Variants in SRCIN1 observed in about 807,000 individuals in gnomAD.
SRCIN1 encodes the protein P130Cas-associated protein.
In SRCIN1, 50 loss-of-function variants were observed where a neutral mutation model predicts 116.2. The observed-to-expected ratio is 0.43, with a 90% CI of 0.34 to 0.54. The LOEUF is 0.54. Ranked by LOEUF, SRCIN1 falls within the 20% of genes least tolerant of loss-of-function variation. The pLI, the probability that SRCIN1 is intolerant of heterozygous loss-of-function variation, is 0.02. For missense variants in SRCIN1, 1,446 were observed against 1,672.0 expected, an observed-to-expected ratio of 0.86 and a Z score of 2.36; for synonymous variants, 736 against 750.0, an observed-to-expected ratio of 0.98 and a Z score of 0.30.
chr17:38,551,256 GC>G lies in SRCIN1; in HGVS notation c.2860del (p.Ala954ProfsTer37), dbSNP rs1305083488. 6.2e-7 allele frequency: 1 copy of G among 1,613,068 alleles called. No homozygotes were observed. Among genetic ancestry groups the G allele is most frequent in the East Asian group, 2.2e-5 (1 of 44,888 alleles). The stretch of plus-strand genomic sequence containing the variant: ...TGGAGTGGGGGCCGGGCCTGGATGG[GC>G]CTTGCTGGCACAGTCCAGGTCAGGG... ...AIPDLDCASK[A>X]HPGPAPTPDH... is the part of the protein sequence containing the mutation. On this transcript the variant is annotated frameshift_variant, in exon 15 of 19. Coordinates refer to ENST00000617146, the MANE Select transcript of SRCIN1 (RefSeq NM_025248.3). LOFTEE classifies it high-confidence loss of function.
At chr17:38,589,063 C>G (rs1567881438) in intron 1 of SRCIN1, among the ~76,000 whole-genome samples, 1 of 152,254 alleles carries the variant, frequency 6.6e-6, no homozygotes, top group Non-Finnish European at 1.5e-5. Flanking sequence ...AACCTGTGCA[C>G]CTCGGCATGC....
chr17:38,534,423 G>T (rs2040971705), intron 18 of SRCIN1, among the ~76,000 whole-genome samples: 1 of 152,180 alleles, frequency 6.6e-6, no homozygotes, highest in Non-Finnish European at 1.5e-5. Flanking sequence ...ACTGGATTAA[G>T]GCTACACAGA....
chr17:38,555,737 C>T (rs900629202), intron 11 of SRCIN1, among the ~76,000 whole-genome samples: 8 of 152,322 alleles, frequency 5.3e-5, no homozygotes, highest in African/African-American at 1.2e-4. Context: ...ACATCAGCCA[C>T]GCTGCCCCCA....
chr17:38,595,204 T>C (rs910256125), intron 1 of SRCIN1, among the ~76,000 whole-genome samples: 51 of 152,186 alleles, frequency 3.4e-4, no homozygotes, highest in Non-Finnish European at 5.9e-5. Context: ...AGAGAAAGTG[T>C]TCAATAAGTC....
At chr17:38,594,625 C>T (rs1908621681) in intron 1 of SRCIN1, among the ~76,000 whole-genome samples, 1 of 152,164 alleles carries the variant, frequency 6.6e-6, no homozygotes, top group African/African-American at 2.4e-5. Context: ...AGTCTGGGCC[C>T]ATCACTACTT....
At chr17:38,571,536 C>A (rs1203590218) in intron 2 of SRCIN1, among the ~76,000 whole-genome samples, 1 of 152,172 alleles carries the variant, frequency 6.6e-6, no homozygotes, top group South Asian at 2.1e-4. Flanking sequence ...AGAGGTCTGG[C>A]TGTCCACCTC....
chr17:38,580,963 G>A (rs1282774272), intron 1 of SRCIN1, among the ~76,000 whole-genome samples: 1 of 152,068 alleles, frequency 6.6e-6, no homozygotes, highest in Non-Finnish European at 1.5e-5. Flanking sequence ...AGCCTCCCAA[G>A]TAGCTGGAAT....
intron 3 of SRCIN1, among the ~76,000 whole-genome samples, chr17:38,567,050 A>G (rs1222961002): frequency 6.6e-6 from 1 of 151,938 alleles, no homozygotes; most frequent in African/African-American, 2.4e-5. Flanking sequence ...TCAATCTCCC[A>G]TACTCAAGTG....
intron 2 of SRCIN1, among the ~76,000 whole-genome samples, chr17:38,573,973 C>T (rs1171785957): frequency 6.6e-6 from 1 of 152,214 alleles, no homozygotes; most frequent in Non-Finnish European, 1.5e-5. Context: ...AAACATCCTC[C>T]CTCTGAAGGC....
chr17:38,568,341 G>A lies in SRCIN1; in HGVS notation c.325-110C>T. ...AACTCAGCACTCAGCCCTAGGACAA[G>A]GGCCCTCCACCCTCCCAGGAGCAGG... On this transcript the variant is annotated intron_variant, in intron 2 of 18. Transcript: ENST00000617146. This position sits in a 1 kb window ranked among gnomAD's most constrained non-coding sequence, Gnocchi z 4.5. 1 of 1,065,378 alleles carries A rather than the reference G, an allele frequency of 9.4e-7. No individual in the cohort carries two copies. Among genetic ancestry groups the A allele is most frequent in the Non-Finnish European group, 1.4e-6 (1 of 703,538 alleles). The allele number at this position is 1,065,378 out of a possible 1,614,324, so 66.0% of individuals were successfully genotyped here. A position where few individuals can be genotyped will look rare whatever the true frequency, so the allele number is the denominator to read the frequency against.
chr17:38,574,866 G>A, intron 2 of SRCIN1: 1 of 400,936 alleles, frequency 2.5e-6, no homozygotes, highest in Non-Finnish European at 4.4e-6. Context: ...GGTGGAGGTG[G>A]GTGACTCACC....
At chr17:38,581,327 A>G (rs1027337581) in intron 1 of SRCIN1, among the ~76,000 whole-genome samples, 11 of 150,490 alleles carry the variant, frequency 7.3e-5, no homozygotes, top group African/African-American at 2.5e-4. Flanking sequence ...AAATGCTTGA[A>G]CCCGGGAGGC....
chr17:38,544,022 C>T lies in SRCIN1; in HGVS notation c.3271-53G>A. 6.6e-7 allele frequency: 1 copy of T among 1,521,156 alleles called. No homozygotes were observed. Among genetic ancestry groups the T allele is most frequent in the Non-Finnish European group, 8.8e-7 (1 of 1,136,294 alleles). 94.2% of individuals were successfully genotyped at this position (1,521,156 alleles called of 1,614,324 possible). Reference sequence around the variant, plus strand: ...TGCAGAGTCCACATGGGGTGAATCACACAGGAACCCTAGCACTGGGTGGGG... The same window carrying T: ...TGCAGAGTCCACATGGGGTGAATCATACAGGAACCCTAGCACTGGGTGGGG... On this transcript the variant is annotated intron_variant, in intron 17 of 18. Transcript: ENST00000617146. The surrounding 1 kb of genome is among the most constrained non-coding windows in gnomAD (Gnocchi z 4.5).
chr17:38,599,488 G>T (rs774465759), intron 1 of SRCIN1, among the ~76,000 whole-genome samples: 4 of 152,144 alleles, frequency 2.6e-5, no homozygotes, highest in Non-Finnish European at 5.9e-5. Context: ...GTCCCCTGCC[G>T]CTAGGTCCAA....
intron 3 of SRCIN1, among the ~76,000 whole-genome samples, chr17:38,565,447 ATCAC>A (rs1054048419): frequency 1.2e-4 from 18 of 152,222 alleles, no homozygotes; most frequent in African/African-American, 4.3e-4. Context: ...TTAACAACAA[ATCAC>A]TCAAAACCAT....
intron 17 of SRCIN1, among the ~76,000 whole-genome samples, chr17:38,547,390 T>A (rs1905133673): frequency 6.6e-6 from 1 of 152,050 alleles, no homozygotes; most frequent in Non-Finnish European, 1.5e-5. Flanking sequence ...GTGAGCAAGA[T>A]CCAAACTCCA....
chr17:38,589,411 G>A (rs1005171439), intron 1 of SRCIN1, among the ~76,000 whole-genome samples: 15 of 152,178 alleles, frequency 9.9e-5, no homozygotes, highest in African/African-American at 3.6e-4. Flanking sequence ...TCTCCAGCTT[G>A]GGGTGAAAGA....
chr17:38,599,018 C>T (rs1567886971), intron 1 of SRCIN1, among the ~76,000 whole-genome samples: 1 of 151,608 alleles, frequency 6.6e-6, no homozygotes, highest in African/African-American at 2.4e-5. Flanking sequence ...TGTGTACGTA[C>T]GTGTGTGTGT....
chr17:38,584,425 G>C (rs1907999354), intron 1 of SRCIN1, among the ~76,000 whole-genome samples: 1 of 152,244 alleles, frequency 6.6e-6, no homozygotes, highest in Non-Finnish European at 1.5e-5. Context: ...GGGAAGGGCA[G>C]GGTGAGGAAG....
Sources: gnomAD v4.1 joint callset for allele counts (sites outside exome capture counted in the v4.1 genomes callset) on GRCh38, gnomAD v4.1.1 for gene constraint, Gnocchi (gnomAD v3.1) non-coding constraint, MANE v1.5 for transcripts, NCBI Gene and HGNC (gene_info 2026-07-23, HGNC 2026-07-21) for gene names.